CCDC148: variants seen among roughly 807,000 people sequenced by gnomAD.
The protein encoded by CCDC148 is coiled-coil domain-containing protein 148.
A neutral mutation model predicts 85.7 loss-of-function variants in CCDC148; 89 were observed. The ratio of observed to expected loss-of-function variants is 1.04; its 90% CI spans 0.87 to 1.24. The LOEUF (loss-of-function observed/expected upper bound fraction) is 1.24, where lower values mean the gene tolerates loss of function less well. CCDC148 is among the 50% of genes most tolerant of loss of function. The pLI, the probability that CCDC148 is intolerant of heterozygous loss-of-function variation, is 0.00. For missense variants in CCDC148, 692 were observed against 671.7 expected, an observed-to-expected ratio of 1.03 and a Z score of -0.33; for synonymous variants, 230 against 213.9, an observed-to-expected ratio of 1.08 and a Z score of -0.66.
At chr2:158,248,090 T>C (rs949480539) in intron 10 of CCDC148, among the ~76,000 whole-genome samples, 4 of 151,442 alleles carry the variant, frequency 2.6e-5, no homozygotes, top group African/African-American at 4.8e-5. Flanking sequence ...CCCTGAAACA[T>C]AGACATATTT....
At chr2:158,276,384 A>C (rs1356301958) in intron 9 of CCDC148, among the ~76,000 whole-genome samples, 1 of 152,154 alleles carries the variant, frequency 6.6e-6, no homozygotes, top group Non-Finnish European at 1.5e-5. Context: ...CAGTGAGCTG[A>C]GATCACACCA....
At chr2:158,352,726 C>T (rs11902510) in intron 2 of CCDC148, among the ~76,000 whole-genome samples, 26,639 of 150,942 alleles carry the variant, frequency 0.18, 3,858 homozygotes, top group African/African-American at 0.4. Context: ...ATACAGAGAA[C>T]GCCACAAAGA....
At chr2:158,312,565 T>A (rs1358596166) in intron 8 of CCDC148, among the ~76,000 whole-genome samples, 4 of 49,318 alleles carry the variant, frequency 8.1e-5, no homozygotes, top group African/African-American at 7.7e-5. Context: ...CTGGCGACAG[T>A]GAGAATCCAT....
intron 10 of CCDC148, among the ~76,000 whole-genome samples, chr2:158,233,622 C>G (rs952408763): frequency 6.6e-6 from 1 of 151,918 alleles, no homozygotes; most frequent in African/African-American, 2.4e-5. Flanking sequence ...CCAAAAACAT[C>G]TGGATAGGCA....
At chr2:158,282,888 G>C (rs1315606946) in intron 9 of CCDC148, among the ~76,000 whole-genome samples, 1 of 152,162 alleles carries the variant, frequency 6.6e-6, no homozygotes, top group Non-Finnish European at 1.5e-5. Context: ...ACACTACAAG[G>C]CTACAGTAAC....
intron 11 of CCDC148, among the ~76,000 whole-genome samples, chr2:158,181,182 A>G (rs1405851949): frequency 1.3e-5 from 2 of 152,170 alleles, no homozygotes; most frequent in Non-Finnish European, 2.9e-5. Context: ...TTTGGGATAT[A>G]TAGGTTGCTT....
intron 10 of CCDC148, among the ~76,000 whole-genome samples, chr2:158,233,434 T>C (rs1687950513): frequency 6.6e-6 from 1 of 151,454 alleles, no homozygotes; most frequent in South Asian, 2.1e-4. Context: ...TTTTACAACT[T>C]TGTGTGAACT....
At chr2:158,242,839 A>C (rs1232955544) in intron 10 of CCDC148, among the ~76,000 whole-genome samples, 1 of 151,958 alleles carries the variant, frequency 6.6e-6, no homozygotes, top group Non-Finnish European at 1.5e-5. Flanking sequence ...CCTTCTATTG[A>C]GCCTTTAGTG....
At chr2:158,331,287 G>GAA (rs1284427633) in intron 7 of CCDC148, among the ~76,000 whole-genome samples, 2 of 152,162 alleles carry the variant, frequency 1.3e-5, no homozygotes, top group Non-Finnish European at 2.9e-5. Flanking sequence ...TCAGGAGCAG[G>GAA]TTGTTCAGTT....
intron 11 of CCDC148, among the ~76,000 whole-genome samples, chr2:158,210,787 C>CAAAA (rs34273946): frequency 2.8e-4 from 25 of 89,452 alleles, no homozygotes; most frequent in African/African-American, 8.9e-4. Flanking sequence ...ACTAAAAATA[C>CAAAA]AAAAAAAAAA....
chr2:158,415,561 AC>A lies in CCDC148; in HGVS notation c.25+40853del, dbSNP rs746860983. Among the ~76,000 whole-genome samples, 5 of 152,268 alleles carry A rather than the reference AC, an allele frequency of 3.3e-5. No individual in the cohort carries two copies. In the Middle Eastern group the frequency reaches 0.01, roughly 311 times the overall value. On this transcript the variant is annotated intron_variant, in intron 1 of 13. Transcript: ENST00000283233. ...CAAGTCTTAACTCATTTCCGCATTAACTCAAAAGTCCACATTCCAAAGTCTC... is the reference window on the plus strand; with the variant it reads ...CAAGTCTTAACTCATTTCCGCATTAATCAAAAGTCCACATTCCAAAGTCTC...
chr2:158,440,801 G>T (rs1687899688), intron 1 of CCDC148, among the ~76,000 whole-genome samples: 1 of 152,178 alleles, frequency 6.6e-6, no homozygotes, highest in South Asian at 2.1e-4. Flanking sequence ...AAAAAGGAAT[G>T]AACTAATGTT....
intron 2 of CCDC148, among the ~76,000 whole-genome samples, chr2:158,345,964 G>C (rs1682974656): frequency 6.6e-6 from 1 of 152,094 alleles, no homozygotes; most frequent in Admixed American, 6.5e-5. Context: ...TTTAATTTAA[G>C]CAAATATTTA....
chr2:158,172,153 G>T lies in CCDC148; in HGVS notation c.1736C>A (p.Pro579His). Residue 579 changes from proline to histidine, a missense_variant, in exon 14 of 14, where the codon CCT becomes CAT. Transcript: ENST00000283233. ...EILPKISPQK[P>H]PRKDMESTVF... ...AGTAGACTCCATGTCCTTTCTTGGA[G>T]GTTTTTGAGGACTAATTTTTGGTAA... 6.2e-7 allele frequency: 1 copy of T among 1,609,494 alleles called. No individual in the cohort carries two copies. Among genetic ancestry groups the T allele is most frequent in the Non-Finnish European group, 8.5e-7 (1 of 1,177,260 alleles).
At chr2:158,446,580 T>C (rs1170647570) in intron 1 of CCDC148, among the ~76,000 whole-genome samples, 1 of 152,200 alleles carries the variant, frequency 6.6e-6, no homozygotes, top group Non-Finnish European at 1.5e-5. Flanking sequence ...AGTTTTAAGA[T>C]GTGTTTATGC....
intron 1 of CCDC148, among the ~76,000 whole-genome samples, chr2:158,451,819 T>C (rs1343337522): frequency 6.6e-6 from 1 of 152,116 alleles, no homozygotes; most frequent in Non-Finnish European, 1.5e-5. Context: ...CTGTTACTCT[T>C]CATAGTTCAT....
intron 1 of CCDC148, among the ~76,000 whole-genome samples, chr2:158,433,853 G>T (rs1302186747): frequency 6.6e-6 from 1 of 152,234 alleles, no homozygotes; most frequent in Non-Finnish European, 1.5e-5. Context: ...AGGGTCCCAC[G>T]CCCATGGAGC....
intron 9 of CCDC148, among the ~76,000 whole-genome samples, chr2:158,263,932 A>G (rs1689344954): frequency 6.6e-6 from 1 of 151,824 alleles, no homozygotes; most frequent in Admixed American, 6.6e-5. Flanking sequence ...TTAAAAAAGC[A>G]TTGGTAAACT....
intron 1 of CCDC148, among the ~76,000 whole-genome samples, chr2:158,420,842 T>A (rs1170526636): frequency 6.6e-6 from 1 of 151,500 alleles, no homozygotes; most frequent in Non-Finnish European, 1.5e-5. Flanking sequence ...AGGAGACCCA[T>A]CTCACGTGCA....
Sources: gnomAD v4.1 joint callset for allele counts (sites outside exome capture counted in the v4.1 genomes callset) on GRCh38, gnomAD v4.1.1 for gene constraint, MANE v1.5 for transcripts, NCBI Gene and HGNC (gene_info 2026-07-23, HGNC 2026-07-21) for gene names.